Variants in LARP1 observed in about 807,000 individuals in gnomAD.
LARP1 encodes the protein La ribonucleoprotein 1, translational regulator.
LARP1 carries 36 observed loss-of-function variants against 122.7 expected under a neutral mutation model. That is an observed-to-expected ratio of 0.29 (90% CI 0.22 to 0.39). The LOEUF (loss-of-function observed/expected upper bound fraction) is 0.39. Ranked by LOEUF, LARP1 falls within the 10% of genes least tolerant of loss-of-function variation. LARP1 has a pLI of 1.00. For missense variants in LARP1, 1,040 were observed against 1,403.6 expected, an observed-to-expected ratio of 0.74 and a Z score of 4.14; for synonymous variants, 539 against 528.7, an observed-to-expected ratio of 1.02 and a Z score of -0.27.
intron 10 of LARP1, among the ~76,000 whole-genome samples, chr5:154,800,966 A>G (rs1758298562): frequency 6.6e-6 from 1 of 152,206 alleles, no homozygotes; most frequent in African/African-American, 2.4e-5. Context: ...TGAGGGTTTT[A>G]CAAAGTCCAG....
intron 1 of LARP1, among the ~76,000 whole-genome samples, chr5:154,717,542 G>C (rs1755584912): frequency 6.6e-6 from 1 of 152,170 alleles, no homozygotes; most frequent in African/African-American, 2.4e-5. Context: ...TGGCTACCTA[G>C]CTAATCTGAG....
chr5:154,727,779 A>T (rs181846952), intron 1 of LARP1, among the ~76,000 whole-genome samples: 2 of 152,344 alleles, frequency 1.3e-5, no homozygotes, highest in African/African-American at 4.8e-5. Context: ...TAAAATTTTT[A>T]AAATGATAAT....
chr5:154,688,297 C>A (rs1362136299), intron 1 of LARP1, among the ~76,000 whole-genome samples: 2 of 151,914 alleles, frequency 1.3e-5, no homozygotes, highest in Non-Finnish European at 2.9e-5. Flanking sequence ...CATTTGAATT[C>A]TGTTATAGAT....
chr5:154,713,340 T>C (rs944813883), intron 1 of LARP1, among the ~76,000 whole-genome samples: 2 of 152,218 alleles, frequency 1.3e-5, no homozygotes, highest in African/African-American at 4.8e-5. Flanking sequence ...TCTATTGTTT[T>C]CCCTTGTCAC....
intron 1 of LARP1, among the ~76,000 whole-genome samples, chr5:154,727,646 T>C (rs1398135401): frequency 2.0e-5 from 3 of 152,196 alleles, no homozygotes; most frequent in African/African-American, 7.2e-5. Context: ...GAGTGAATGT[T>C]GTGTTCTCAC....
intron 1 of LARP1, among the ~76,000 whole-genome samples, chr5:154,782,960 A>C (rs1756579514): frequency 6.6e-6 from 1 of 152,160 alleles, no homozygotes; most frequent in Admixed American, 6.5e-5. Flanking sequence ...ACTCCACCCC[A>C]TCCCCAGGAT....
At chr5:154,768,720 T>C (rs1187618419) in intron 1 of LARP1, among the ~76,000 whole-genome samples, 7 of 152,154 alleles carry the variant, frequency 4.6e-5, no homozygotes, top group African/African-American at 7.2e-5. Context: ...TAGCTGGGAC[T>C]ACAGGCACGC....
At position 154,739,549 on chromosome 5, in the gene LARP1, T is replaced by C. The variant is rs551843647; in HGVS notation, c.205+26419T>C. Among the ~76,000 whole-genome samples the C allele has an allele frequency of 3.9e-5, 6 of 152,272 alleles. No homozygotes were observed. The South Asian group carries it at 1.0e-3, about 26-fold the overall frequency. On this transcript the variant is annotated intron_variant, in intron 1 of 18. Transcript: ENST00000336314. Reference sequence around the variant, plus strand: ...GTCCATCACTCATTTGATCTACTCATTGGTTCTATGAAGACATTAAATTTT... The same window carrying C: ...GTCCATCACTCATTTGATCTACTCACTGGTTCTATGAAGACATTAAATTTT...
chr5:154,683,166 G>T (rs911024322), intron 1 of LARP1, among the ~76,000 whole-genome samples: 3 of 152,336 alleles, frequency 2.0e-5, no homozygotes, highest in Middle Eastern at 3.4e-3. Context: ...GACGGGCCCC[G>T]GAAAGGCACA....
At chr5:154,733,868 C>T (rs1328881298) in intron 1 of LARP1, among the ~76,000 whole-genome samples, 3 of 152,056 alleles carry the variant, frequency 2.0e-5, no homozygotes, top group East Asian at 3.8e-4. Flanking sequence ...TGGCCATAAC[C>T]TCTATTTTTT....
chr5:154,727,552 G>A (rs529125839), intron 1 of LARP1, among the ~76,000 whole-genome samples: 1 of 152,190 alleles, frequency 6.6e-6, no homozygotes, highest in East Asian at 1.9e-4. Flanking sequence ...CAGTTAGATG[G>A]GAGGATTCAG....
At chr5:154,687,451 G>C (rs981059849) in intron 1 of LARP1, among the ~76,000 whole-genome samples, 1 of 152,084 alleles carries the variant, frequency 6.6e-6, no homozygotes, top group South Asian at 2.1e-4. Context: ...GCGTGATCTC[G>C]GCTCACTGCA....
intron 1 of LARP1, among the ~76,000 whole-genome samples, chr5:154,695,463 C>T (rs534385705): frequency 1.3e-3 from 193 of 151,862 alleles, no homozygotes; most frequent in African/African-American, 4.5e-3. Context: ...TCGAGACCAG[C>T]CTGACCAACA....
At chr5:154,741,495 T>G (rs1752877817) in intron 1 of LARP1, among the ~76,000 whole-genome samples, 1 of 152,128 alleles carries the variant, frequency 6.6e-6, no homozygotes, top group Non-Finnish European at 1.5e-5. Context: ...ATGGAGTATT[T>G]CAACCAGGCT....
intron 1 of LARP1, among the ~76,000 whole-genome samples, chr5:154,779,441 G>A (rs981524439): frequency 4.0e-5 from 6 of 151,518 alleles, no homozygotes; most frequent in Admixed American, 1.3e-4. Context: ...TCTTAACTCC[G>A]TGGCATAGTA....
rs765639912 is a variant in LARP1 at position 154,713,022 on chromosome 5, C to G, written c.97C>G (p.Pro33Ala). Residue 33 changes from proline to alanine, a missense_variant, in exon 1 of 19, where the codon CCA becomes GCA. Pro to Ala is a conservative substitution (Grantham distance 27, BLOSUM62 -1). Transcript: ENST00000336314. ...CATACCTAGCTGCCCTGGCAGACTC[C>G]CAGGGAGGAAAAACAGCGTGGCCTT... 5.6e-6 allele frequency: 9 copies of G among 1,614,066 alleles called. No homozygotes were observed. In the Admixed American group the frequency reaches 1.5e-4, roughly 27 times the overall value.
chr5:154,689,723 C>A (rs748634891), intron 1 of LARP1, among the ~76,000 whole-genome samples: 1 of 152,084 alleles, frequency 6.6e-6, no homozygotes, highest in Non-Finnish European at 1.5e-5. Flanking sequence ...GTTCATCTTG[C>A]CTAAATGGAT....
upstream of LARP1, among the ~76,000 whole-genome samples, chr5:154,755,351 T>G (rs1214831721): frequency 6.7e-6 from 1 of 149,222 alleles, no homozygotes; most frequent in African/African-American, 2.5e-5. Context: ...GTGGTCTGCT[T>G]GGCTCGCCGC....
chr5:154,776,592 A>G (rs1016096489), intron 1 of LARP1, among the ~76,000 whole-genome samples: 2 of 152,346 alleles, frequency 1.3e-5, no homozygotes, highest in East Asian at 1.9e-4. Context: ...GTTCTTAAAC[A>G]TTAATCTGCC....
Sources: gnomAD v4.1 joint callset for allele counts (sites outside exome capture counted in the v4.1 genomes callset) on GRCh38, gnomAD v4.1.1 for gene constraint, MANE v1.5 for transcripts, NCBI Gene and HGNC (gene_info 2026-07-23, HGNC 2026-07-21) for gene names.